Variants in PID1 observed in about 807,000 individuals in gnomAD.
PID1 encodes the protein PTB-containing, cubilin and LRP1-interacting protein.
A neutral mutation model predicts 19.1 loss-of-function variants in PID1; 10 were observed. That is an observed-to-expected ratio of 0.52 (90% CI 0.32 to 0.89). The LOEUF is 0.89. Ranked by LOEUF, PID1 falls within the 40% of genes least tolerant of loss-of-function variation. The probability of loss-of-function intolerance (pLI) is 0.03; values close to 1 mark genes in which losing one functional copy is unlikely to be tolerated. For missense variants in PID1, 248 were observed against 285.3 expected (o/e 0.87, Z 0.94); for synonymous variants, 130 against 116.0 (o/e 1.12, Z -0.78).
chr2:229,130,286 A>G (rs1689703641), intron 2 of PID1, among the ~76,000 whole-genome samples: 1 of 152,204 alleles, frequency 6.6e-6, no homozygotes, highest in South Asian at 2.1e-4. Context: ...TTCTCAGGGC[A>G]GGCAGAACTT....
At chr2:229,067,644 TC>T (rs2106198866) in intron 2 of PID1, among the ~76,000 whole-genome samples, 1 of 152,140 alleles carries the variant, frequency 6.6e-6, no homozygotes, top group Non-Finnish European at 1.5e-5. Flanking sequence ...TTACCAATCC[TC>T]CATGAAGTCG....
At chr2:229,132,431 C>T (rs574454716) in intron 2 of PID1, among the ~76,000 whole-genome samples, 3 of 152,328 alleles carry the variant, frequency 2.0e-5, no homozygotes, top group South Asian at 4.1e-4. Context: ...TTCGGTGTCA[C>T]TATCACTGCC....
intron 1 of PID1, among the ~76,000 whole-genome samples, chr2:229,207,945 C>T (rs560089672): frequency 6.6e-6 from 1 of 152,280 alleles, no homozygotes; most frequent in Admixed American, 6.5e-5. Context: ...AGGATTAACT[C>T]AGTGACAGCC....
chr2:229,046,093 A>G (rs1693871406), intron 2 of PID1, among the ~76,000 whole-genome samples: 1 of 152,120 alleles, frequency 6.6e-6, no homozygotes. Flanking sequence ...AGCGTCTCAC[A>G]TATTCCATCA....
intron 2 of PID1, among the ~76,000 whole-genome samples, chr2:229,154,749 A>G (rs1201937744): frequency 6.6e-6 from 1 of 152,248 alleles, no homozygotes; most frequent in Non-Finnish European, 1.5e-5. Flanking sequence ...CTACAAAGCT[A>G]TGAAAGAAAT....
At position 229,183,971 on chromosome 2, in the gene PID1, A is replaced by G. The variant is rs1441567852; in HGVS notation, c.31-28007T>C. ...TATATCCCCTATATATATCCCATAT[A>G]TATATCCCATATGTATGTATATATC... On this transcript the variant is annotated intron_variant, in intron 1 of 2. Transcript: ENST00000392055. Among the ~76,000 whole-genome samples, 2 of 79,500 alleles carry G rather than the reference A, an allele frequency of 2.5e-5. 1 individual carries two copies. Among genetic ancestry groups the G allele is most frequent in the South Asian group, 1.3e-3 (2 of 1,504 alleles). The allele number at this position is 79,500 out of a possible 152,430, so 52.2% of individuals were successfully genotyped here.
chr2:229,216,861 A>C (rs1300203361), intron 1 of PID1, among the ~76,000 whole-genome samples: 1 of 152,038 alleles, frequency 6.6e-6, no homozygotes, highest in Non-Finnish European at 1.5e-5. Flanking sequence ...GGCACTTTAG[A>C]ACTCTCATTT....
At chr2:229,060,631 C>T (rs961356878) in intron 2 of PID1, among the ~76,000 whole-genome samples, 2 of 152,020 alleles carry the variant, frequency 1.3e-5, no homozygotes, top group African/African-American at 2.4e-5. Flanking sequence ...TGGTTCTATA[C>T]CAAGAAGTGG....
chr2:229,247,765 T>C (rs1462997766), intron 1 of PID1, among the ~76,000 whole-genome samples: 1 of 152,240 alleles, frequency 6.6e-6, no homozygotes, highest in African/African-American at 2.4e-5. Flanking sequence ...AGAAGTGACA[T>C]TTATGAACAC....
intron 2 of PID1, among the ~76,000 whole-genome samples, chr2:229,098,114 A>C (rs1695006177): frequency 6.6e-6 from 1 of 152,256 alleles, no homozygotes; most frequent in Admixed American, 6.5e-5. Flanking sequence ...CTCCTGCTGC[A>C]GTAGGACTTT....
intron 2 of PID1, among the ~76,000 whole-genome samples, chr2:229,140,697 TCCA>T (rs1689993209): frequency 1.3e-5 from 2 of 152,104 alleles, no homozygotes; most frequent in African/African-American, 2.4e-5. Flanking sequence ...CTAAGAGAAA[TCCA>T]TCATAATAAC....
At chr2:229,077,168 T>C (rs1303555110) in intron 2 of PID1, among the ~76,000 whole-genome samples, 1 of 152,158 alleles carries the variant, frequency 6.6e-6, no homozygotes, top group Admixed American at 6.6e-5. Context: ...TTTTTCATGT[T>C]TGTTGGCTGC....
intron 1 of PID1, among the ~76,000 whole-genome samples, chr2:229,162,086 AT>A (rs1438935085): frequency 2.0e-5 from 3 of 152,238 alleles, no homozygotes; most frequent in African/African-American, 7.2e-5. Flanking sequence ...TGTGTTATTC[AT>A]TTTTAAAGAA....
intron 1 of PID1, among the ~76,000 whole-genome samples, chr2:229,251,944 T>TAAAAAAAAAAAAAAAAAAGAAAAAAGA (rs1690162613): frequency 1.4e-5 from 1 of 71,474 alleles, no homozygotes; most frequent in Non-Finnish European, 2.9e-5. Flanking sequence ...AACCATAAGC[T>TAAAAAAAAAAAAAAAAAAGAAAAAAGA]AAAAAAAAAA....
chr2:229,223,056 T>C (rs1178962363), intron 1 of PID1, among the ~76,000 whole-genome samples: 1 of 152,200 alleles, frequency 6.6e-6, no homozygotes, highest in Non-Finnish European at 1.5e-5. Flanking sequence ...GCTTTCGTTG[T>C]CTTTTTAATA....
At chr2:229,061,346 A>G (rs1694208488) in intron 2 of PID1, among the ~76,000 whole-genome samples, 1 of 152,028 alleles carries the variant, frequency 6.6e-6, no homozygotes, top group Non-Finnish European at 1.5e-5. Flanking sequence ...TCCCAACAGC[A>G]TTTATTGAAA....
intron 2 of PID1, among the ~76,000 whole-genome samples, chr2:229,106,406 T>A (rs1439104257): frequency 6.6e-6 from 1 of 152,232 alleles, no homozygotes; most frequent in African/African-American, 2.4e-5. Context: ...ACAGGGTATT[T>A]GCATGAATTA....
At chr2:229,260,926 C>G (rs1690448685) in intron 1 of PID1, among the ~76,000 whole-genome samples, 1 of 150,892 alleles carries the variant, frequency 6.6e-6, no homozygotes, top group African/African-American at 2.4e-5. Flanking sequence ...AAATTGTGTC[C>G]CTCTAAAATG....
At chr2:229,195,472 T>C (rs1691358692) in intron 1 of PID1, among the ~76,000 whole-genome samples, 1 of 151,884 alleles carries the variant, frequency 6.6e-6, no homozygotes, top group South Asian at 2.1e-4. Flanking sequence ...CATATATTCA[T>C]ATTTTTCCAT....
Sources: gnomAD v4.1 joint callset for allele counts (sites outside exome capture counted in the v4.1 genomes callset) on GRCh38, gnomAD v4.1.1 for gene constraint, MANE v1.5 for transcripts, NCBI Gene and HGNC (gene_info 2026-07-23, HGNC 2026-07-21) for gene names.